PTPRD: variants seen among roughly 807,000 people sequenced by gnomAD.
PTPRD encodes protein tyrosine phosphatase receptor type D.
A neutral mutation model predicts 214.5 loss-of-function variants in PTPRD; 34 were observed. The observed-to-expected ratio is 0.16, with a 90% CI of 0.12 to 0.21. PTPRD has a LOEUF of 0.21. Ranked by LOEUF, PTPRD falls within the 10% of genes least tolerant of loss-of-function variation. PTPRD has a pLI of 1.00. For synonymous variants in PTPRD, 1,128 were observed against 845.7 expected (o/e 1.33, Z -5.79); for missense variants, 2,545 against 2,398.7 (o/e 1.06, Z -1.27).
At chr9:10,139,703 T>C (rs112916191) in intron 3 of PTPRD, among the ~76,000 whole-genome samples, 2,544 of 152,028 alleles carry the variant, frequency 0.017, 71 homozygotes, top group African/African-American at 0.058. Context: ...CACTGGCCAG[T>C]GGAACAGAAT....
At chr9:9,373,294 G>C (rs940053903) in intron 9 of PTPRD, among the ~76,000 whole-genome samples, 2 of 152,026 alleles carry the variant, frequency 1.3e-5, no homozygotes, top group Non-Finnish European at 2.9e-5. Context: ...AGAGAAATAA[G>C]TCAATTTAAG....
chr9:9,489,982 C>G (rs1440974820), intron 8 of PTPRD, among the ~76,000 whole-genome samples: 1 of 151,902 alleles, frequency 6.6e-6, no homozygotes, highest in Admixed American at 6.6e-5. Context: ...AAGCCAGAAA[C>G]AAAGAGAAAA....
At chr9:8,617,515 A>T (rs2095653264) in intron 14 of PTPRD, among the ~76,000 whole-genome samples, 1 of 152,118 alleles carries the variant, frequency 6.6e-6, no homozygotes, top group South Asian at 2.1e-4. Flanking sequence ...CAACTTTTAA[A>T]ATTTACTGAC....
chr9:9,896,174 C>T lies in PTPRD; in HGVS notation c.-368+42333G>A, dbSNP rs1489948830. On this transcript the variant is annotated intron_variant, in intron 5 of 45. Coordinates refer to ENST00000381196, the MANE Select transcript of PTPRD (RefSeq NM_002839.4). ...CACACAACCATACACACATACACAGCATATGAAAATGTGAAAGTCTTATTA... is the reference window on the plus strand; with the variant it reads ...CACACAACCATACACACATACACAGTATATGAAAATGTGAAAGTCTTATTA... Among the ~76,000 whole-genome samples, 5 of 151,984 alleles carry T rather than the reference C, an allele frequency of 3.3e-5. No individual in the cohort carries two copies. In the South Asian group the frequency reaches 8.3e-4, roughly 25 times the overall value.
chr9:9,501,007 G>A (rs1394176211), intron 8 of PTPRD, among the ~76,000 whole-genome samples: 1 of 151,672 alleles, frequency 6.6e-6, no homozygotes, highest in Non-Finnish European at 1.5e-5. Context: ...ACACTGCTAT[G>A]GCTAAAAAGC....
chr9:8,455,906 A>G (rs1590999226), intron 33 of PTPRD, among the ~76,000 whole-genome samples: 2 of 152,298 alleles, frequency 1.3e-5, no homozygotes, highest in South Asian at 2.1e-4. Context: ...GCACAAATTC[A>G]TAGTTCCAGA....
chr9:9,186,355 G>C (rs1360298117), intron 9 of PTPRD, among the ~76,000 whole-genome samples: 2 of 152,026 alleles, frequency 1.3e-5, no homozygotes, highest in Non-Finnish European at 2.9e-5. Flanking sequence ...GCGAAGATCT[G>C]TCCATGGTGG....
intron 9 of PTPRD, among the ~76,000 whole-genome samples, chr9:9,208,755 A>C (rs1285697979): frequency 6.6e-6 from 1 of 152,160 alleles, no homozygotes; most frequent in Non-Finnish European, 1.5e-5. Context: ...CTAAAAGTTA[A>C]GCATCAATGG....
At chr9:9,017,809 A>G (rs909775140) in intron 11 of PTPRD, among the ~76,000 whole-genome samples, 5 of 152,160 alleles carry the variant, frequency 3.3e-5, no homozygotes, top group Non-Finnish European at 7.4e-5. Flanking sequence ...AATTACGTAA[A>G]TTGTCAAATA....
chr9:9,447,318 A>T (rs138110646), intron 8 of PTPRD, among the ~76,000 whole-genome samples: 6 of 152,256 alleles, frequency 3.9e-5, no homozygotes, highest in African/African-American at 1.4e-4. Context: ...TATGTACCCC[A>T]TGGAATATTA....
At chr9:8,739,972 T>A (rs1323061933) in intron 11 of PTPRD, among the ~76,000 whole-genome samples, 1 of 152,220 alleles carries the variant, frequency 6.6e-6, no homozygotes, top group African/African-American at 2.4e-5. Context: ...CATGTGGAAC[T>A]GTAAGTCCAT....
intron 14 of PTPRD, among the ~76,000 whole-genome samples, chr9:8,582,546 T>C (rs1013001264): frequency 2.0e-5 from 3 of 151,938 alleles, no homozygotes; most frequent in African/African-American, 4.8e-5. Flanking sequence ...GCATACCTTA[T>C]TGAGAACAAT....
At position 8,876,322 on chromosome 9, in the gene PTPRD, G is replaced by A. The variant is rs115970338; in HGVS notation, c.-104+142375C>T. ...ATACTACACTTGGGGTATATATTAG[G>A]AATAGTCATCAAACCAAATAAGCTG... On this transcript the variant is annotated intron_variant, in intron 11 of 45. Transcript: ENST00000381196. Among the ~76,000 whole-genome samples the A allele has an allele frequency of 9.8e-3, 1,487 of 152,058 alleles. 27 individuals are homozygous for A. Among genetic ancestry groups the A allele is most frequent in the African/African-American group, 0.034 (1,409 of 41,470 alleles).
intron 3 of PTPRD, among the ~76,000 whole-genome samples, chr9:10,266,338 A>C (rs1266599981): frequency 6.6e-6 from 1 of 152,216 alleles, no homozygotes; most frequent in Non-Finnish European, 1.5e-5. Context: ...ACAAATTTTT[A>C]AATGTAGCCC....
chr9:9,899,222 T>C (rs2075794776), intron 5 of PTPRD, among the ~76,000 whole-genome samples: 1 of 151,846 alleles, frequency 6.6e-6, no homozygotes, highest in African/African-American at 2.4e-5. Context: ...ACAAAACAGA[T>C]GAAAGAACTC....
chr9:10,523,622 T>TATATATATATATATATATAC lies in PTPRD; in HGVS notation c.-600+88775_-600+88776insGTATATATATATATATATAT, dbSNP rs554367559. 6.8e-5 allele frequency among the ~76,000 whole-genome samples: 9 copies of TATATATATATATATATATAC among 131,388 alleles called. 1 individual carries two copies. Among genetic ancestry groups the TATATATATATATATATATAC allele is most frequent in the South Asian group, 2.5e-4 (1 of 4,058 alleles). 86.2% of individuals were successfully genotyped at this position (131,388 alleles called of 152,430 possible). A position where few individuals can be genotyped will look rare whatever the true frequency, so the allele number is the denominator to read the frequency against. On this transcript the variant is annotated intron_variant, in intron 2 of 45. Coordinates refer to ENST00000381196, the MANE Select transcript of PTPRD (RefSeq NM_002839.4). Reference sequence around the variant, plus strand: ...ATCTGTATATATATATATATATATATAGACAGAAAGAAAGGGAGAGAGAGA... The same window carrying TATATATATATATATATATAC: ...ATCTGTATATATATATATATATATATATATATATATATATATATACAGACAGAAAGAAAGGGAGAGAGAGA...
chr9:9,421,776 T>C, intron 8 of PTPRD, among the ~76,000 whole-genome samples: 1 of 152,142 alleles, frequency 6.6e-6, no homozygotes, highest in East Asian at 1.9e-4. Context: ...TAATAGGATT[T>C]GACACTGGCG....
chr9:10,120,558 T>C (rs1426288344), intron 3 of PTPRD, among the ~76,000 whole-genome samples: 1 of 152,042 alleles, frequency 6.6e-6, no homozygotes, highest in African/African-American at 2.4e-5. Context: ...GTAAGCTTAT[T>C]ATAAAAGTAT....
intron 8 of PTPRD, among the ~76,000 whole-genome samples, chr9:9,400,245 G>A (rs1271623419): frequency 6.6e-6 from 1 of 151,690 alleles, no homozygotes; most frequent in Non-Finnish European, 1.5e-5. Flanking sequence ...GAGATCTATG[G>A]CTTCCTACAA....
Sources: allele counts gnomAD v4.1 joint callset (sites outside exome capture counted in the v4.1 genomes callset), GRCh38; gene constraint gnomAD v4.1.1; transcripts MANE v1.5; gene names NCBI Gene and HGNC (gene_info 2026-07-23, HGNC 2026-07-21).